GPHN: variants seen among roughly 807,000 people sequenced by gnomAD.
GPHN encodes the protein gephyrin.
GPHN carries 17 observed loss-of-function variants against 95.5 expected under a neutral mutation model. That is an observed-to-expected ratio of 0.18 (90% CI 0.12 to 0.27). The LOEUF (loss-of-function observed/expected upper bound fraction) is 0.27. Ranked by LOEUF, GPHN falls within the 10% of genes least tolerant of loss-of-function variation. GPHN has a pLI of 1.00. For missense variants in GPHN, 660 were observed against 978.1 expected, an observed-to-expected ratio of 0.67 and a Z score of 4.34; for synonymous variants, 320 against 322.5, an observed-to-expected ratio of 0.99 and a Z score of 0.08.
At chr14:67,539,710 G>A in the GPHN span, among the ~76,000 whole-genome samples, 1 of 152,138 alleles carries the variant, frequency 6.6e-6, no homozygotes, top group Non-Finnish European at 1.5e-5. Flanking sequence ...GCACAGAGTG[G>A]CAATGAACAA....
At chr14:66,593,717 T>TA (rs999273963) in intron 1 of GPHN, among the ~76,000 whole-genome samples, 4 of 152,182 alleles carry the variant, frequency 2.6e-5, no homozygotes, top group Admixed American at 2.6e-4. Context: ...TAGTGAGTAT[T>TA]ATGCTCAGCA....
At chr14:66,522,514 C>G (rs1297894771) in intron 1 of GPHN, among the ~76,000 whole-genome samples, 1 of 152,078 alleles carries the variant, frequency 6.6e-6, no homozygotes, top group African/African-American at 2.4e-5. Flanking sequence ...AACCTCTTAA[C>G]CTGTATTTAG....
chr14:67,676,960 T>C, the GPHN span: 1 of 152,254 alleles, frequency 6.6e-6, no homozygotes, highest in Non-Finnish European at 1.5e-5. Context: ...TTCTAATTTT[T>C]CCGTAAAATG....
intron 13 of GPHN, among the ~76,000 whole-genome samples, chr14:67,107,014 A>G (rs919889335): frequency 6.6e-6 from 1 of 152,082 alleles, no homozygotes; most frequent in African/African-American, 2.4e-5. Flanking sequence ...TGCAAAGGGT[A>G]TGGTGACTTT....
At chr14:67,500,583 T>TTC in the GPHN span, among the ~76,000 whole-genome samples, 9 of 151,490 alleles carry the variant, frequency 5.9e-5, no homozygotes, top group African/African-American at 2.2e-4. Flanking sequence ...ATTTTTTTTT[T>TTC]TTTTTTGAGA....
At chr14:67,347,850 C>A in the GPHN span, among the ~76,000 whole-genome samples, 1 of 151,734 alleles carries the variant, frequency 6.6e-6, no homozygotes, top group Non-Finnish European at 1.5e-5. Flanking sequence ...TCATCAAACT[C>A]AAAAATCAAG....
chr14:67,057,414 G>GC (rs935710391), intron 10 of GPHN, among the ~76,000 whole-genome samples: 4 of 151,458 alleles, frequency 2.6e-5, no homozygotes, highest in African/African-American at 9.7e-5. Context: ...ACATGGGTGG[G>GC]GGGGGCAACA....
intron 8 of GPHN, among the ~76,000 whole-genome samples, chr14:66,932,466 T>TG: frequency 7.4e-6 from 1 of 134,426 alleles, no homozygotes; most frequent in South Asian, 2.7e-4. Flanking sequence ...TTTTTTTTTT[T>TG]TTTTTTTTTT....
At chr14:66,743,267 C>T (rs2072955126) in intron 2 of GPHN, among the ~76,000 whole-genome samples, 1 of 151,852 alleles carries the variant, frequency 6.6e-6, no homozygotes, top group Non-Finnish European at 1.5e-5. Context: ...GTATGCCCCA[C>T]TATAAATTGA....
rs961966809 is a variant in GPHN, at chr14:67,127,672, G to A, written c.1748+5295G>A. Among the ~76,000 whole-genome samples, 6 of 152,332 alleles carry A rather than the reference G, an allele frequency of 3.9e-5. No homozygotes were observed. The South Asian group carries it at 6.2e-4, about 16-fold the overall frequency. On this transcript the variant is annotated intron_variant, in intron 17 of 22. Coordinates refer to ENST00000478722, the MANE Select transcript of GPHN (RefSeq NM_020806.5). ...AAGAATATAGTAAGATCAGTCATGC[G>A]TCTGCTATGAATTTTAAGCCAAAGG...
At chr14:67,507,960 G>A in the GPHN span, among the ~76,000 whole-genome samples, 25 of 152,142 alleles carry the variant, frequency 1.6e-4, no homozygotes, top group Middle Eastern at 3.4e-3. Flanking sequence ...CCAACATGGA[G>A]AAACCCTGTC....
chr14:66,772,113 G>GA (rs79406734), intron 2 of GPHN, among the ~76,000 whole-genome samples: 1,403 of 133,128 alleles, frequency 0.011, 6 homozygotes, highest in East Asian at 0.032. Flanking sequence ...TGTCCTTTAG[G>GA]AAAAAAAAAA....
At chr14:66,839,272 C>T (rs2061981399) in intron 4 of GPHN, among the ~76,000 whole-genome samples, 1 of 152,212 alleles carries the variant, frequency 6.6e-6, no homozygotes, top group Non-Finnish European at 1.5e-5. Context: ...GTCCATCATG[C>T]TGGAAGGACT....
chr14:67,381,322 GTTC>G, the GPHN span, among the ~76,000 whole-genome samples: 13 of 152,258 alleles, frequency 8.5e-5, no homozygotes, highest in African/African-American at 2.2e-4. Context: ...TTACACAAAT[GTTC>G]TTCAAGACAA....
the GPHN span, among the ~76,000 whole-genome samples, chr14:67,540,226 A>T: frequency 6.6e-6 from 1 of 152,254 alleles, no homozygotes; most frequent in Admixed American, 6.5e-5. Context: ...CCTATTTCGT[A>T]TATCTCCTCC....
the GPHN span, among the ~76,000 whole-genome samples, chr14:67,484,659 C>T: frequency 6.6e-6 from 1 of 152,128 alleles, no homozygotes; most frequent in Admixed American, 6.5e-5. Flanking sequence ...CATGGGGGCT[C>T]ACACCTGTAA....
chr14:67,439,143 A>G, the GPHN span, among the ~76,000 whole-genome samples: 1 of 152,182 alleles, frequency 6.6e-6, no homozygotes. Context: ...TTGTTTTGTG[A>G]CTTCATTATT....
At chr14:66,944,543 A>T (rs1454966319) in intron 8 of GPHN, among the ~76,000 whole-genome samples, 1 of 152,224 alleles carries the variant, frequency 6.6e-6, no homozygotes, top group Non-Finnish European at 1.5e-5. Flanking sequence ...GAGAATATAA[A>T]CAGTGATCCC....
At chr14:67,585,608 T>C in the GPHN span, 18 of 1,585,354 alleles carry the variant, frequency 1.1e-5, no homozygotes, top group East Asian at 2.1e-4. Context: ...CTGGTGTGGA[T>C]TGCTGTGAAT....
Sources: allele counts gnomAD v4.1 joint callset (sites outside exome capture counted in the v4.1 genomes callset), GRCh38; gene constraint gnomAD v4.1.1; transcripts MANE v1.5; gene names NCBI Gene and HGNC (gene_info 2026-07-23, HGNC 2026-07-21).